Variants in CAMTA1 observed in about 807,000 individuals in gnomAD.
CAMTA1 encodes the protein calmodulin binding transcription activator 1.
CAMTA1 carries 27 observed loss-of-function variants against 170.9 expected under a neutral mutation model. That is an observed-to-expected ratio of 0.16 (90% CI 0.12 to 0.22). CAMTA1 has a LOEUF of 0.22. Ranked by LOEUF, CAMTA1 falls within the 10% of genes least tolerant of loss-of-function variation. The pLI, the probability that CAMTA1 is intolerant of heterozygous loss-of-function variation, is 1.00. For missense variants in CAMTA1, 1,619 were observed against 2,217.2 expected (o/e 0.73, Z 5.42); for synonymous variants, 833 against 891.5 (o/e 0.93, Z 1.17).
At chr1:7,371,822 T>C (rs1476807828) in intron 5 of CAMTA1, among the ~76,000 whole-genome samples, 3 of 152,320 alleles carry the variant, frequency 2.0e-5, no homozygotes, top group African/African-American at 7.2e-5. Context: ...CCACTGAGGA[T>C]GATTTTGTCC....
chr1:7,411,607 G>T (rs2090763368), intron 5 of CAMTA1, among the ~76,000 whole-genome samples: 1 of 148,652 alleles, frequency 6.7e-6, no homozygotes, highest in South Asian at 2.1e-4. Context: ...CCATGATTCA[G>T]AAGACCGAGG....
intron 6 of CAMTA1, among the ~76,000 whole-genome samples, chr1:7,621,460 G>A (rs1477193098): frequency 1.3e-5 from 2 of 152,234 alleles, no homozygotes; most frequent in Non-Finnish European, 2.9e-5. Context: ...GACAGTGACG[G>A]GAGAGTCTGA....
chr1:7,037,792 C>T (rs546279803), intron 3 of CAMTA1, among the ~76,000 whole-genome samples: 10 of 150,874 alleles, frequency 6.6e-5, no homozygotes, highest in South Asian at 4.2e-4. Flanking sequence ...GAGCCAAGAT[C>T]GCACCACTGC....
chr1:7,164,329 G>T (rs1307528308), intron 4 of CAMTA1, among the ~76,000 whole-genome samples: 1 of 152,246 alleles, frequency 6.6e-6, no homozygotes, highest in East Asian at 1.9e-4. Context: ...GAAGGAGTTT[G>T]CCAGTTTGTG....
intron 4 of CAMTA1, among the ~76,000 whole-genome samples, chr1:7,154,532 G>T (rs1459751973): frequency 1.3e-5 from 2 of 152,178 alleles, no homozygotes; most frequent in Non-Finnish European, 2.9e-5. Context: ...GAGAGGATCT[G>T]AGAAATTGAC....
intron 4 of CAMTA1, among the ~76,000 whole-genome samples, chr1:7,230,435 C>G (rs866853937): frequency 0.02 from 1,442 of 72,904 alleles, 180 homozygotes; most frequent in African/African-American, 0.088. Flanking sequence ...TGGGCTGACC[C>G]CCCCCCCCCG....
At position 7,738,102 on chromosome 1, in the gene CAMTA1, G is replaced by A; in HGVS notation, c.3802G>A (p.Glu1268Lys). Residue 1268 changes from glutamate (E) to lysine (K), a missense_variant, in exon 16 of 23, where the codon GAA becomes AAA. By Grantham distance (56) the Glu-to-Lys change is moderately conservative (BLOSUM62 1). Coordinates refer to ENST00000303635, the MANE Select transcript of CAMTA1 (RefSeq NM_015215.4). The surrounding 1 kb of genome is among the most constrained non-coding windows in gnomAD (Gnocchi z 4.9). ...EKLLPTALSL[E>K]EPNIRKQSPS... ...GCTGCTTCCCACTGCACTGAGTCTGGAAGAGCCAAATATCAGGAAGCAAAG... is the reference window on the plus strand; with the variant it reads ...GCTGCTTCCCACTGCACTGAGTCTGAAAGAGCCAAATATCAGGAAGCAAAG... The A allele has an allele frequency of 1.2e-6, 2 of 1,614,142 alleles. No individual in the cohort carries two copies. The highest frequency in any genetic ancestry group is 1.7e-5 in the Admixed American group (1 of 60,024).
intron 5 of CAMTA1, among the ~76,000 whole-genome samples, chr1:7,399,308 C>A (rs1007910863): frequency 6.6e-6 from 1 of 152,206 alleles, no homozygotes; most frequent in Admixed American, 6.5e-5. Flanking sequence ...CACATTCCTG[C>A]TTCCATTTTC....
chr1:7,351,726 A>G (rs1031624778), intron 5 of CAMTA1, among the ~76,000 whole-genome samples: 1 of 152,214 alleles, frequency 6.6e-6, no homozygotes, highest in Non-Finnish European at 1.5e-5. Context: ...AGGGCCTTCA[A>G]GGAGCCGTGG....
rs372888615 is a variant in CAMTA1, at chr1:7,155,640, A to G, written c.302+64269A>G. On this transcript the variant is annotated intron_variant, in intron 4 of 22. Coordinates refer to ENST00000303635, the MANE Select transcript of CAMTA1 (RefSeq NM_015215.4). ...GGGAAGAGGTCACACCATGTTGTTC[A>G]GGCTGGTCTTGAATTCTTGAGCTCA... Among the ~76,000 whole-genome samples the G allele has an allele frequency of 7.8e-4, 118 of 151,884 alleles. 1 individual carries two copies. The highest frequency in any genetic ancestry group is 2.8e-3 in the African/African-American group (114 of 41,432).
In CAMTA1 at chr1:7,248,715, C is replaced by T. The variant is rs748394039; in HGVS notation, c.303-776C>T. On this transcript the variant is annotated intron_variant, in intron 4 of 22. Coordinates refer to ENST00000303635, the MANE Select transcript of CAMTA1 (RefSeq NM_015215.4). The surrounding 1 kb of genome is among the most constrained non-coding windows in gnomAD (Gnocchi z 4.0). Reference sequence around the variant, plus strand: ...ATCAGCCTCTCCTCTCTGTGGTGGACGCGTGTTTTCTTTTTGGCAAATTCA... The same window carrying T: ...ATCAGCCTCTCCTCTCTGTGGTGGATGCGTGTTTTCTTTTTGGCAAATTCA... 2.4e-4 allele frequency among the ~76,000 whole-genome samples: 36 copies of T among 152,178 alleles called. No homozygotes were observed. The highest frequency in any genetic ancestry group is 2.9e-4 in the Non-Finnish European group (20 of 68,010).
intron 6 of CAMTA1, among the ~76,000 whole-genome samples, chr1:7,513,790 C>T (rs1268396685): frequency 3.3e-5 from 5 of 152,112 alleles, no homozygotes; most frequent in Admixed American, 6.5e-5. Context: ...GGCGTGGTGG[C>T]GCATGCCTGT....
At position 7,738,500 on chromosome 1, in the gene CAMTA1, G is replaced by A; in HGVS notation, c.4182+18G>A. 1 of 1,606,498 alleles carries A rather than the reference G, an allele frequency of 6.2e-7. No individual in the cohort carries two copies. Among genetic ancestry groups the A allele is most frequent in the Non-Finnish European group, 8.5e-7 (1 of 1,174,990 alleles). On this transcript the variant is annotated intron_variant, in intron 16 of 22. Coordinates refer to ENST00000303635, the MANE Select transcript of CAMTA1 (RefSeq NM_015215.4). This position sits in a 1 kb window ranked among gnomAD's most constrained non-coding sequence, Gnocchi z 4.9. ...ACATACAGGTAAAAAGCAGGGACAG[G>A]GTAAGCCCGCAGAGGCTGGTGCGTT...
chr1:6,977,586 C>T (rs1020540026), intron 3 of CAMTA1, among the ~76,000 whole-genome samples: 8 of 152,174 alleles, frequency 5.3e-5, no homozygotes, highest in Admixed American at 3.3e-4. Context: ...GGGATCCACT[C>T]GCCTCGGCCT....
intron 6 of CAMTA1, among the ~76,000 whole-genome samples, chr1:7,498,322 G>C (rs866785824): frequency 1.3e-5 from 2 of 151,352 alleles, no homozygotes; most frequent in Middle Eastern, 3.4e-3. Flanking sequence ...GTGTGTGTAA[G>C]AGTGAGTGTG....
intron 6 of CAMTA1, among the ~76,000 whole-genome samples, chr1:7,484,365 C>T (rs1333186260): frequency 6.6e-6 from 1 of 152,224 alleles, no homozygotes; most frequent in African/African-American, 2.4e-5. Context: ...GACCTGGGTT[C>T]TAATCCCCCT....
At chr1:7,594,137 A>G (rs560265408) in intron 6 of CAMTA1, among the ~76,000 whole-genome samples, 16 of 148,698 alleles carry the variant, frequency 1.1e-4, no homozygotes, top group African/African-American at 3.8e-4. Context: ...GAAAGAAAGA[A>G]AGAAGGAAGG....
At chr1:7,217,111 G>C (rs1331527911) in intron 4 of CAMTA1, among the ~76,000 whole-genome samples, 2 of 152,196 alleles carry the variant, frequency 1.3e-5, no homozygotes, top group Non-Finnish European at 2.9e-5. Context: ...CATGTGTCAA[G>C]GGTGGGACCA....
intron 3 of CAMTA1, among the ~76,000 whole-genome samples, chr1:6,825,743 A>G (rs1298439726): frequency 1.3e-5 from 2 of 152,224 alleles, no homozygotes; most frequent in Non-Finnish European, 2.9e-5. Context: ...TTAGCATCCA[A>G]TTAGAAAGTA....
Sources: gnomAD v4.1 joint callset for allele counts (sites outside exome capture counted in the v4.1 genomes callset) on GRCh38, gnomAD v4.1.1 for gene constraint, Gnocchi (gnomAD v3.1) non-coding constraint, MANE v1.5 for transcripts, NCBI Gene and HGNC (gene_info 2026-07-23, HGNC 2026-07-21) for gene names.